The following ZSWIM8 variants were observed in gnomAD, a reference collection of about 807,000 sequenced individuals.
The protein encoded by ZSWIM8 is zinc finger SWIM-type containing 8, also known as zinc finger SWIM domain-containing protein 8.
ZSWIM8 carries 27 observed loss-of-function variants against 173.7 expected under a neutral mutation model. The observed-to-expected ratio is 0.16, with a 90% CI of 0.11 to 0.21. ZSWIM8 has a LOEUF of 0.21. Among genes scored for constraint, ZSWIM8 ranks in the 10% least tolerant of loss-of-function variants. ZSWIM8 has a pLI of 1.00. For synonymous variants in ZSWIM8, 958 were observed against 962.0 expected (o/e 1.00, Z 0.08); for missense variants, 1,627 against 2,428.8 (o/e 0.67, Z 6.94).
intron 1 of ZSWIM8, among the ~76,000 whole-genome samples, chr10:73,787,168 T>C (rs190550834): frequency 1.3e-5 from 2 of 152,282 alleles, no homozygotes; most frequent in Non-Finnish European, 2.9e-5. Context: ...GGTCTTGAAC[T>C]CCCGACCTTA....
intron 20 of ZSWIM8, 138 bp from the exon 21 acceptor site, chr10:73,798,863 TG>T: frequency 8.4e-7 from 1 of 1,191,410 alleles, no homozygotes; most frequent in Non-Finnish European, 1.2e-6. Flanking sequence ...GCTCTGATAA[TG>T]GACTCTAAGC....
In ZSWIM8 at chr10:73,794,338, G is replaced by T; in HGVS notation, c.2809+8G>T. On this transcript the variant is annotated splice_region_variant and intron_variant, in intron 13 of 25. Coordinates refer to ENST00000604729, the MANE Select transcript of ZSWIM8 (RefSeq NM_001367799.1). ...ACGTTCTCTGTGCTCCAGGTATGATGCCTGACCCTACAGTAAGTGGGGAAC... is the reference window on the plus strand; with the variant it reads ...ACGTTCTCTGTGCTCCAGGTATGATTCCTGACCCTACAGTAAGTGGGGAAC... 6.2e-6 allele frequency: 10 copies of T among 1,613,070 alleles called. No homozygotes were observed. The highest frequency in any genetic ancestry group is 1.1e-5 in the South Asian group (1 of 90,982).
Position 73,799,449 on chromosome 10 carries a change from C to A in ZSWIM8, c.4624C>A (p.Arg1542=). 6.2e-7 allele frequency: 1 copy of A among 1,602,426 alleles called. No individual in the cohort carries two copies. Among genetic ancestry groups the A allele is most frequent in the East Asian group, 2.3e-5 (1 of 44,262 alleles). ...TGCCCACCCCATGCCTCACATGCCCCGGCCTGCCGTCTTCCCTGTGCCCAG... is the reference window on the plus strand; with the variant it reads ...TGCCCACCCCATGCCTCACATGCCCAGGCCTGCCGTCTTCCCTGTGCCCAG... The part of the protein sequence containing the change: ...HPAHPMPHMP[R]PAVFPVPSSA... The change falls in exon 21 of 26, where the codon CGG becomes AGG. Residue 1542 remains arginine (R), a synonymous_variant. Transcript: ENST00000604729.
At position 73,801,296 on chromosome 10, in the gene ZSWIM8, C is replaced by T; in HGVS notation, c.5302-20C>T. 1 of 1,612,928 alleles carries T rather than the reference C, an allele frequency of 6.2e-7. No homozygotes were observed. Among genetic ancestry groups the T allele is most frequent in the South Asian group, 1.1e-5 (1 of 91,012 alleles). On this transcript the variant is annotated intron_variant, in intron 25 of 25. Coordinates refer to ENST00000604729, the MANE Select transcript of ZSWIM8 (RefSeq NM_001367799.1). This position sits in a 1 kb window ranked among gnomAD's most constrained non-coding sequence, Gnocchi z 4.9. ...TCTGTGCTTTGTACTAAGGCTCATC[C>T]TGCACACATCCTCCTCCAGTACATC...
Position 73,791,804 on chromosome 10 carries a change from A to G in ZSWIM8, c.1320-55A>G. 6.8e-7 allele frequency: 1 copy of G among 1,468,692 alleles called. No homozygotes were observed. Among genetic ancestry groups the G allele is most frequent in the Non-Finnish European group, 9.1e-7 (1 of 1,102,498 alleles). 91.0% of individuals were successfully genotyped at this position (1,468,692 alleles called of 1,614,324 possible). A position where few individuals can be genotyped will look rare whatever the true frequency, so the allele number is the denominator to read the frequency against. ...TCTCTTTGGGGTGTACACCTACTCC[A>G]TGCCCATCCTTTCCCAGTAGCCCCT... On this transcript the variant is annotated intron_variant, in intron 9 of 25. Coordinates refer to ENST00000604729, the MANE Select transcript of ZSWIM8 (RefSeq NM_001367799.1). This position sits in a 1 kb window ranked among gnomAD's most constrained non-coding sequence, Gnocchi z 6.0.
Position 73,796,646 on chromosome 10 carries a change from G to GT in ZSWIM8, c.3034-127dup, listed in dbSNP as rs2083672384. On this transcript the variant is annotated intron_variant, in intron 15 of 25. Transcript: ENST00000604729. The stretch of plus-strand genomic sequence containing the variant: ...TAAACCAGGAGGTCATCCTGTGGTT[G>GT]TAAGTGGGGAAGGCTCCCTGAGGAT... The GT allele has an allele frequency of 3.0e-6, 4 of 1,322,158 alleles. 1 individual carries two copies. Among genetic ancestry groups the GT allele is most frequent in the Non-Finnish European group, 3.1e-6 (3 of 979,636 alleles). 81.9% of individuals were successfully genotyped at this position (1,322,158 alleles called of 1,614,324 possible).
chr10:73,788,940 G>A (rs1338930897), intron 2 of ZSWIM8, 117 bp downstream of exon 2: 28 of 1,483,508 alleles, frequency 1.9e-5, no homozygotes, highest in Non-Finnish European at 2.1e-5. Context: ...GGAAGACAAG[G>A]GAGGGATTGC....
At chr10:73,790,342 C>A in intron 7 of ZSWIM8, 50 bp downstream of exon 7, 2 of 1,549,798 alleles carry the variant, frequency 1.3e-6, no homozygotes, top group South Asian at 2.5e-5. Context: ...GGGAGCGTCC[C>A]TCAGGCTGAT....
Position 73,800,454 on chromosome 10 carries a change from C to T in ZSWIM8, c.4984C>T (p.His1662Tyr). 2 of 1,613,914 alleles carry T rather than the reference C, an allele frequency of 1.2e-6. No homozygotes were observed. Among genetic ancestry groups the T allele is most frequent in the Non-Finnish European group, 1.7e-6 (2 of 1,179,820 alleles). ...CAATCCCCACAGCCTGCACCACCTG[C>T]ATGCTGCCTACCGTGTCGGTGAGAG... ...PVNPHSLHHL[H>Y]AAYRVGMLAL... Residue 1662 changes from histidine to tyrosine, a missense_variant, in exon 23 of 26, where the codon CAT becomes TAT. His to Tyr is a moderately conservative substitution (Grantham distance 83). Coordinates refer to ENST00000604729, the MANE Select transcript of ZSWIM8 (RefSeq NM_001367799.1). This position sits in a 1 kb window ranked among gnomAD's most constrained non-coding sequence, Gnocchi z 4.1.
chr10:73,788,604 C>T (rs1299202542), intron 1 of ZSWIM8, 66 bp from the exon 2 acceptor site: 1 of 1,574,522 alleles, frequency 6.4e-7, no homozygotes, highest in African/African-American at 1.4e-5. Context: ...GGCATGAGTG[C>T]CAAGAGACCA....
chr10:73,795,726 G>A, intron 15 of ZSWIM8, 63 bp downstream of exon 15: 1 of 1,557,628 alleles, frequency 6.4e-7, no homozygotes, highest in Non-Finnish European at 8.7e-7. Context: ...GGGAGGCAGA[G>A]GCGGGCAGAT....
chr10:73,799,510 G>C lies in ZSWIM8; in HGVS notation c.4665+20G>C, dbSNP rs773115708. ...CCACAGGTGAGACCAGTGTTCTGCT[G>C]GGGGGTAAGGCATGGGAAAATACTG... On this transcript the variant is annotated intron_variant, in intron 21 of 25. Transcript: ENST00000604729. 27 of 1,589,812 alleles carry C rather than the reference G, an allele frequency of 1.7e-5. No homozygotes were observed. The highest frequency in any genetic ancestry group is 1.7e-4 in the Middle Eastern group (1 of 6,060).
intron 1 of ZSWIM8, among the ~76,000 whole-genome samples, chr10:73,787,433 G>C (rs2083266711): frequency 6.6e-6 from 1 of 152,164 alleles, no homozygotes; most frequent in South Asian, 2.1e-4. Flanking sequence ...CCCTCACTTT[G>C]AGGGAAGTAA....
chr10:73,792,157 G>A lies in ZSWIM8; in HGVS notation c.1618G>A (p.Val540Met), dbSNP rs763112121. The A allele has an allele frequency of 5.9e-6, 9 of 1,529,584 alleles. No individual in the cohort carries two copies. In the South Asian group the frequency reaches 1.0e-4, roughly 18 times the overall value. 94.8% of individuals were successfully genotyped at this position (1,529,584 alleles called of 1,614,324 possible). A position where few individuals can be genotyped will look rare whatever the true frequency, so the allele number is the denominator to read the frequency against. Residue 540 changes from valine to methionine, a missense_variant, in exon 10 of 26, where the codon GTG becomes ATG. Val to Met is a conservative substitution (Grantham distance 21). Coordinates refer to ENST00000604729, the MANE Select transcript of ZSWIM8 (RefSeq NM_001367799.1). This position sits in a 1 kb window ranked among gnomAD's most constrained non-coding sequence, Gnocchi z 4.3. The part of the protein sequence containing the change: ...RPRPLPTEPA[V>M]RPKEPGTKRK... ...CCGACCCCTTCCTACTGAGCCAGCTGTGCGGCCCAAGGAGCCTGGGACCAA... is the reference window on the plus strand; with the variant it reads ...CCGACCCCTTCCTACTGAGCCAGCTATGCGGCCCAAGGAGCCTGGGACCAA...
Position 73,796,221 on chromosome 10 carries a change from C to T in ZSWIM8, c.3034-553C>T, listed in dbSNP as rs1035236341. 1.9e-4 allele frequency: 35 copies of T among 182,680 alleles called. No homozygotes were observed. In the South Asian group the frequency reaches 2.1e-3, roughly 11 times the overall value. 11.3% of individuals were successfully genotyped at this position (182,680 alleles called of 1,614,324 possible). ...AAAATTAGCCGGGCATGGTGGCGCG[C>T]GCCTGTAGTCCCAGCTACTCGGGAG... is the stretch of plus-strand genomic sequence containing the variant. On this transcript the variant is annotated intron_variant, in intron 15 of 25. Coordinates refer to ENST00000604729, the MANE Select transcript of ZSWIM8 (RefSeq NM_001367799.1).
At position 73,800,534 on chromosome 10, in the gene ZSWIM8, C is replaced by A; in HGVS notation, c.5002+62C>A. On this transcript the variant is annotated intron_variant, in intron 23 of 25. Transcript: ENST00000604729. This position sits in a 1 kb window ranked among gnomAD's most constrained non-coding sequence, Gnocchi z 4.1. ...TTGTGCCAGTGGCTCTTCAGAGGAC[C>A]CTTCCTCTAGCTCTTCATTTGTTTA... 1 of 1,604,032 alleles carries A rather than the reference C, an allele frequency of 6.2e-7. No homozygotes were observed. Among genetic ancestry groups the A allele is most frequent in the Non-Finnish European group, 8.5e-7 (1 of 1,173,970 alleles).
In ZSWIM8 at chr10:73,788,791, T is replaced by C; in HGVS notation, c.330T>C (p.Phe110=). 1 of 1,613,892 alleles carries C rather than the reference T, an allele frequency of 6.2e-7. No homozygotes were observed. The highest frequency in any genetic ancestry group is 2.2e-5 in the East Asian group (1 of 44,884). Reference sequence around the variant, plus strand: ...AGCAGCTACAGCTCCGAATTGCTTTTTGGAGCTTCCCTGAGAATGAAGAGG... The same window carrying C: ...AGCAGCTACAGCTCCGAATTGCTTTCTGGAGCTTCCCTGAGAATGAAGAGG... The part of the protein sequence containing the change: ...VPEQLQLRIA[F]WSFPENEEDI... The change falls in exon 2 of 26, where the codon TTT becomes TTC. Residue 110 remains phenylalanine (F), a synonymous_variant. Transcript: ENST00000604729.
chr10:73,790,026 G>A lies in ZSWIM8; in HGVS notation c.809G>A (p.Cys270Tyr), dbSNP rs779656817. Residue 270 changes from cysteine to tyrosine, a missense_variant, in exon 6 of 26, where the codon TGT becomes TAT. Coordinates refer to ENST00000604729, the MANE Select transcript of ZSWIM8 (RefSeq NM_001367799.1). ...CAGTCAACAGCCATCAATACAGTGT[G>A]TGGAGCTCCGGGTGAGTGTGGTGAG... ...SSQSTAINTV[C>Y]GAPDPTAGPS... 3.1e-6 allele frequency: 5 copies of A among 1,612,528 alleles called. No homozygotes were observed. The African/African-American group carries it at 6.7e-5, about 22-fold the overall frequency.
rs1428039204 is a variant in ZSWIM8, at chr10:73,785,764, G to A, written c.-115G>A. ...CCGGCACGGCCGCCCTGAGCGCCCC[G>A]GCCACCCCCAGCCCCGGCTCGCCCC... is the stretch of plus-strand genomic sequence containing the variant. On this transcript the variant is annotated 5_prime_UTR_variant, in exon 1 of 26. Coordinates refer to ENST00000604729, the MANE Select transcript of ZSWIM8 (RefSeq NM_001367799.1). 2.5e-5 allele frequency: 30 copies of A among 1,179,390 alleles called. No homozygotes were observed. Among genetic ancestry groups the A allele is most frequent in the Non-Finnish European group, 3.5e-5 (29 of 837,268 alleles). 73.1% of individuals were successfully genotyped at this position (1,179,390 alleles called of 1,614,324 possible).
Sources: gnomAD v4.1 joint callset for allele counts (sites outside exome capture counted in the v4.1 genomes callset) on GRCh38, gnomAD v4.1.1 for gene constraint, Gnocchi (gnomAD v3.1) non-coding constraint, MANE v1.5 for transcripts, NCBI Gene and HGNC (gene_info 2026-07-23, HGNC 2026-07-21) for gene names.